Variants in CEP162 observed in about 807,000 individuals in gnomAD.
CEP162 encodes the protein centrosomal protein 162.
Under a neutral mutation model 169.2 loss-of-function variants are expected in CEP162, and 141 were observed. The observed-to-expected ratio is 0.83, with a 90% confidence interval of 0.73 to 0.96. The LOEUF is 0.96. Ranked by LOEUF, CEP162 falls within the 40% of genes least tolerant of loss-of-function variation. The pLI is 0.00. For synonymous variants in CEP162, 540 were observed against 526.4 expected (o/e 1.03, Z -0.35); for missense variants, 1,600 against 1,587.2 (o/e 1.01, Z -0.14).
chr6:84,185,105 C>G, intron 13 of CEP162, 82 bp downstream of exon 13: 1 of 1,257,552 alleles, frequency 8.0e-7, no homozygotes. Flanking sequence ...TTGAATCTTA[C>G]AAATGGAATG....
chr6:84,153,514 A>T (rs562575294), intron 22 of CEP162, among the ~76,000 whole-genome samples: 1 of 152,292 alleles, frequency 6.6e-6, no homozygotes, highest in South Asian at 2.1e-4. Flanking sequence ...CAAACTGTCA[A>T]CACACTCTTC....
At chr6:84,225,660 A>G (rs1278598876) in intron 2 of CEP162, among the ~76,000 whole-genome samples, 1 of 150,854 alleles carries the variant, frequency 6.6e-6, no homozygotes, top group Non-Finnish European at 1.5e-5. Context: ...TACAGACCAT[A>G]CATTCTTATA....
intron 24 of CEP162, among the ~76,000 whole-genome samples, chr6:84,147,235 C>T (rs1466824638): frequency 1.3e-5 from 2 of 151,846 alleles, no homozygotes; most frequent in African/African-American, 2.4e-5. Context: ...GTAAGCTAGG[C>T]ACAGAAAAAT....
In CEP162 at chr6:84,153,187, A is replaced by G; in HGVS notation, c.2995-8T>C. The G allele has an allele frequency of 5.7e-6, 9 of 1,585,866 alleles. No homozygotes were observed. The highest frequency in any genetic ancestry group is 7.7e-6 in the Non-Finnish European group (9 of 1,170,298). On this transcript the variant is annotated splice_polypyrimidine_tract_variant and splice_region_variant and intron_variant, in intron 22 of 26. Transcript: ENST00000403245. ...TCTTTGTTCATACTGAATCTGAAGG[A>G]AAGAATCCATGTAATGCCAAACACC...
chr6:84,149,503 C>G (rs2099520330), intron 24 of CEP162, 59 bp downstream of exon 24: 1 of 1,308,210 alleles, frequency 7.6e-7, no homozygotes, highest in Admixed American at 2.6e-5. Context: ...TAACTTTAAT[C>G]TCATTAAAGT....
intron 25 of CEP162, among the ~76,000 whole-genome samples, chr6:84,135,324 T>C (rs1053835405): frequency 2.6e-4 from 39 of 152,190 alleles, no homozygotes; most frequent in African/African-American, 9.2e-4. Context: ...AAAGAGTGAT[T>C]CACCCAGATG....
rs554977252 is a variant in CEP162 at position 84,212,852 on chromosome 6, C to G, written c.571+105G>C. On this transcript the variant is annotated intron_variant, in intron 6 of 26. Transcript: ENST00000403245. ...AGGCAAACCCACTCTATTCAAAGCT[C>G]TGAGACAATATGATTTTCCTTTTAA... 35 of 742,902 alleles carry G rather than the reference C, an allele frequency of 4.7e-5. No individual in the cohort carries two copies. In the Admixed American group the frequency reaches 7.4e-4, roughly 16 times the overall value. The allele number at this position is 742,902 out of a possible 1,614,324, so 46.0% of individuals were successfully genotyped here.
chr6:84,159,705 C>T (rs1464318557), intron 21 of CEP162, among the ~76,000 whole-genome samples: 1 of 150,450 alleles, frequency 6.6e-6, no homozygotes, highest in Non-Finnish European at 1.5e-5. Flanking sequence ...GCTAGGATTA[C>T]AGGTGTGCAC....
chr6:84,175,580 A>G (rs538514218), intron 13 of CEP162, among the ~76,000 whole-genome samples: 1 of 152,342 alleles, frequency 6.6e-6, no homozygotes, highest in African/African-American at 2.4e-5. Flanking sequence ...AATTAACCCA[A>G]GACTCATGTC....
At chr6:84,165,784 TAGAA>T (rs796765893) in intron 18 of CEP162, among the ~76,000 whole-genome samples, 78 of 152,318 alleles carry the variant, frequency 5.1e-4, no homozygotes, top group African/African-American at 1.8e-3. Flanking sequence ...AATTCAGTCT[TAGAA>T]AGAAAATAAA....
chr6:84,170,918 T>C (rs2099529847), intron 17 of CEP162, among the ~76,000 whole-genome samples: 1 of 152,138 alleles, frequency 6.6e-6, no homozygotes, highest in Non-Finnish European at 1.5e-5. Context: ...GGTGCTCCTT[T>C]AAACCGCAGC....
At chr6:84,192,770 CT>C (rs2099540445) in intron 11 of CEP162, among the ~76,000 whole-genome samples, 1 of 152,230 alleles carries the variant, frequency 6.6e-6, no homozygotes, top group Non-Finnish European at 1.5e-5. Context: ...GCCTGTGTTC[CT>C]GGTCTACAAC....
chr6:84,173,416 T>C, intron 16 of CEP162, among the ~76,000 whole-genome samples: 1 of 152,232 alleles, frequency 6.6e-6, no homozygotes, highest in East Asian at 1.9e-4. Context: ...ATTAAAACTT[T>C]GTTAAGTCAA....
At chr6:84,222,053 G>GA (rs1035503891) in intron 2 of CEP162, among the ~76,000 whole-genome samples, 2,422 of 143,126 alleles carry the variant, frequency 0.017, 56 homozygotes, top group African/African-American at 0.056. Context: ...ACTCAACTTT[G>GA]AAAAAAAAAA....
At chr6:84,182,008 A>C (rs2099535056) in intron 13 of CEP162, among the ~76,000 whole-genome samples, 1 of 152,088 alleles carries the variant, frequency 6.6e-6, no homozygotes. Context: ...ATTTTCAGAT[A>C]TACAATTTCT....
chr6:84,175,333 T>C lies in CEP162; in HGVS notation c.1678A>G (p.Thr560Ala), dbSNP rs1417655335. Residue 560 changes from threonine (T) to alanine (A), a missense_variant, in exon 14 of 27, where the codon ACA becomes GCA. By Grantham distance (58) the Thr-to-Ala change is moderately conservative. Transcript: ENST00000403245. ...AAAGCTGCAGGCTTGATGAGTTTTG[T>C]TCCAGATAAGATTTCTAAATATTAT... ...QPRKKEILSG[T>A]KLIKPAALDK... 2.6e-6 allele frequency: 4 copies of C among 1,541,956 alleles called. No homozygotes were observed. The South Asian group carries it at 3.7e-5, about 14-fold the overall frequency.
At chr6:84,194,378 GA>G (rs959556544) in intron 10 of CEP162, among the ~76,000 whole-genome samples, 1 of 139,450 alleles carries the variant, frequency 7.2e-6, no homozygotes, top group African/African-American at 2.5e-5. Flanking sequence ...GAAAAGAAAA[GA>G]AAGTGAAATT....
At chr6:84,207,704 CT>C (rs1266405827) in intron 6 of CEP162, among the ~76,000 whole-genome samples, 9 of 140,168 alleles carry the variant, frequency 6.4e-5, no homozygotes, top group African/African-American at 3.0e-4. Flanking sequence ...TACCCTAGAA[CT>C]TAAAGTATAA....
chr6:84,141,350 T>C (rs2099516548), intron 25 of CEP162, among the ~76,000 whole-genome samples: 1 of 152,164 alleles, frequency 6.6e-6, no homozygotes. Context: ...TAAAAGAGTG[T>C]CAAGTCTAGT....
Sources: allele counts gnomAD v4.1 joint callset (sites outside exome capture counted in the v4.1 genomes callset), GRCh38; gene constraint gnomAD v4.1.1; transcripts MANE v1.5; gene names NCBI Gene and HGNC (gene_info 2026-07-23, HGNC 2026-07-21).